The following NMNAT2 variants were observed in gnomAD, a reference collection of about 807,000 sequenced individuals.
NMNAT2 encodes nicotinamide/nicotinic acid mononucleotide adenylyltransferase 2.
Under a neutral mutation model 41.6 loss-of-function variants are expected in NMNAT2, and 11 were observed. The observed-to-expected ratio is 0.26, with a 90% CI of 0.17 to 0.44. NMNAT2 has a LOEUF of 0.44. Among genes scored for constraint, NMNAT2 ranks in the 20% least tolerant of loss-of-function variants. The probability of loss-of-function intolerance (pLI) is 1.00; values close to 1 mark genes in which losing one functional copy is unlikely to be tolerated. For synonymous variants in NMNAT2, 148 were observed against 151.2 expected (o/e 0.98, Z 0.16); for missense variants, 288 against 407.7 (o/e 0.71, Z 2.53).
chr1:183,260,286 A>T lies in NMNAT2; in HGVS notation c.821+716T>A, dbSNP rs562587646. Among the ~76,000 whole-genome samples the T allele has an allele frequency of 5.3e-5, 8 of 152,344 alleles. No individual in the cohort carries two copies. The East Asian group carries it at 1.5e-3, about 29-fold the overall frequency. On this transcript the variant is annotated intron_variant, in intron 10 of 10. Transcript: ENST00000287713. ...TGTTGCAGCAGCTGTGCACCCAGAG[A>T]TGGAAGCTTCATATGGATGAGGCCA...
intron 1 of NMNAT2, among the ~76,000 whole-genome samples, chr1:183,398,180 G>A (rs1223882455): frequency 6.6e-6 from 1 of 152,118 alleles, no homozygotes; most frequent in African/African-American, 2.4e-5. Context: ...CAAGTGCAGA[G>A]ACACACATAG....
chr1:183,393,497 T>C (rs953305999), intron 1 of NMNAT2, among the ~76,000 whole-genome samples: 1 of 152,028 alleles, frequency 6.6e-6, no homozygotes, highest in Non-Finnish European at 1.5e-5. Flanking sequence ...AACAGCTTGC[T>C]GTTCTCTGGA....
chr1:183,382,626 A>G (rs1663826429), intron 1 of NMNAT2, among the ~76,000 whole-genome samples: 1 of 152,224 alleles, frequency 6.6e-6, no homozygotes. Flanking sequence ...CATCCATTCC[A>G]AAAAGGAGAA....
intron 1 of NMNAT2, among the ~76,000 whole-genome samples, chr1:183,412,255 G>T (rs551456627): frequency 1.2e-4 from 19 of 152,288 alleles, no homozygotes; most frequent in African/African-American, 4.3e-4. Context: ...ACGGAGTCTC[G>T]CTCTGTCTCC....
chr1:183,307,770 C>T (rs781705836), intron 1 of NMNAT2, among the ~76,000 whole-genome samples: 8 of 152,020 alleles, frequency 5.3e-5, no homozygotes, highest in Non-Finnish European at 1.0e-4. Context: ...TTAGTGGAGT[C>T]GGGGTTTCAA....
intron 1 of NMNAT2, among the ~76,000 whole-genome samples, chr1:183,376,930 A>AT (rs142577737): frequency 2.0e-5 from 3 of 151,840 alleles, no homozygotes; most frequent in Non-Finnish European, 2.9e-5. Flanking sequence ...CTCCTTGTGG[A>AT]TTTTTTCTTC....
At chr1:183,406,812 CTTTTTTT>C (rs58394186) in intron 1 of NMNAT2, among the ~76,000 whole-genome samples, 3 of 88,664 alleles carry the variant, frequency 3.4e-5, no homozygotes, top group African/African-American at 4.3e-5. Context: ...TCTGCCATTC[CTTTTTTT>C]TTTTTTTTTT....
In NMNAT2 at chr1:183,261,124, G is replaced by T. The variant is rs1660646617; in HGVS notation, c.754-55C>A. The T allele has an allele frequency of 6.9e-6, 11 of 1,598,130 alleles. No homozygotes were observed. In the South Asian group the frequency reaches 1.2e-4, roughly 18 times the overall value. On this transcript the variant is annotated intron_variant, in intron 9 of 10. Coordinates refer to ENST00000287713, the MANE Select transcript of NMNAT2 (RefSeq NM_015039.4). ...CAGTCCCTCCCACTAAACTCCTTTTGCTCTCTCACTCCTCCAGCTGCCAGG... is the reference window on the plus strand; with the variant it reads ...CAGTCCCTCCCACTAAACTCCTTTTTCTCTCTCACTCCTCCAGCTGCCAGG...
chr1:183,326,446 T>C (rs1662465954), intron 1 of NMNAT2, among the ~76,000 whole-genome samples: 3 of 147,306 alleles, frequency 2.0e-5, no homozygotes, highest in African/African-American at 7.6e-5. Context: ...AGGGAAAATA[T>C]GTTGTGAGGA....
intron 1 of NMNAT2, among the ~76,000 whole-genome samples, chr1:183,320,142 G>A (rs1216573994): frequency 6.6e-6 from 1 of 152,238 alleles, no homozygotes; most frequent in Non-Finnish European, 1.5e-5. Context: ...GGAGAAACAA[G>A]ATGAGAATCT....
intron 1 of NMNAT2, among the ~76,000 whole-genome samples, chr1:183,360,390 A>G (rs1045620673): frequency 6.6e-6 from 1 of 152,056 alleles, no homozygotes; most frequent in African/African-American, 2.4e-5. Context: ...CCTCACCGAG[A>G]AAGATACTAG....
At chr1:183,311,409 T>C (rs1662115163) in intron 1 of NMNAT2, among the ~76,000 whole-genome samples, 2 of 152,154 alleles carry the variant, frequency 1.3e-5, no homozygotes, top group South Asian at 4.1e-4. Context: ...CAGCAGTCTT[T>C]CATTTTCTAG....
chr1:183,360,736 G>A (rs1663289918), intron 1 of NMNAT2, among the ~76,000 whole-genome samples: 1 of 152,212 alleles, frequency 6.6e-6, no homozygotes, highest in Admixed American at 6.5e-5. Flanking sequence ...AAAGACTCCG[G>A]ACCGGAGGTT....
At chr1:183,265,565 G>C (rs1660792044) in intron 8 of NMNAT2, among the ~76,000 whole-genome samples, 1 of 152,128 alleles carries the variant, frequency 6.6e-6, no homozygotes, top group African/African-American at 2.4e-5. Context: ...ATGCCCGGCA[G>C]AAATTCTCTT....
At chr1:183,383,736 C>T (rs942547980) in intron 1 of NMNAT2, among the ~76,000 whole-genome samples, 1 of 152,208 alleles carries the variant, frequency 6.6e-6, no homozygotes, top group Non-Finnish European at 1.5e-5. Flanking sequence ...TACCTTTGCT[C>T]CAGTTCCCAA....
At chr1:183,389,832 GAAAGA>G (rs1648410394) in intron 1 of NMNAT2, among the ~76,000 whole-genome samples, 2 of 53,226 alleles carry the variant, frequency 3.8e-5, no homozygotes, top group African/African-American at 1.2e-4. Flanking sequence ...AAGAAAGAAA[GAAAGA>G]AAGAAAGGAA....
At chr1:183,253,377 A>G (rs1660442053) in intron 10 of NMNAT2, among the ~76,000 whole-genome samples, 1 of 150,184 alleles carries the variant, frequency 6.7e-6, no homozygotes, top group Non-Finnish European at 1.5e-5. Context: ...ACTGTAGTGG[A>G]CCAAATTAAT....
At chr1:183,351,253 TGCATGGATTCCTG>T (rs2102352052) in intron 1 of NMNAT2, among the ~76,000 whole-genome samples, 1 of 152,368 alleles carries the variant, frequency 6.6e-6, no homozygotes, top group South Asian at 2.1e-4. Flanking sequence ...TCTGACGAAG[TGCATGGATTCCTG>T]GCAGCAGGCT....
In NMNAT2 at chr1:183,311,892, G is replaced by C. The variant is rs1285877498; in HGVS notation, c.86-18099C>G. 3.3e-5 allele frequency among the ~76,000 whole-genome samples: 5 copies of C among 151,978 alleles called. No homozygotes were observed. The South Asian group carries it at 1.0e-3, about 32-fold the overall frequency. On this transcript the variant is annotated intron_variant, in intron 1 of 10. Transcript: ENST00000287713. Reference sequence around the variant, plus strand: ...GGGAGGTAATTGAATCATGGGGGCAGGTCTTTCCCATGCTGTTCTCGTGAT... The same window carrying C: ...GGGAGGTAATTGAATCATGGGGGCACGTCTTTCCCATGCTGTTCTCGTGAT...
Sources: allele counts gnomAD v4.1 joint callset (sites outside exome capture counted in the v4.1 genomes callset), GRCh38; gene constraint gnomAD v4.1.1; transcripts MANE v1.5; gene names NCBI Gene and HGNC (gene_info 2026-07-23, HGNC 2026-07-21).